Variants in TTC7B observed in about 807,000 individuals in gnomAD.
TTC7B encodes the protein tetratricopeptide repeat protein 7B.
In TTC7B, 28 loss-of-function variants were observed where a neutral mutation model predicts 106.8. That is an observed-to-expected ratio of 0.26 (90% CI 0.19 to 0.36). TTC7B has a LOEUF of 0.36. Ranked by LOEUF, TTC7B falls within the 10% of genes least tolerant of loss-of-function variation. The pLI, the probability that TTC7B is intolerant of heterozygous loss-of-function variation, is 1.00. For missense variants in TTC7B, 862 were observed against 1,076.4 expected (o/e 0.80, Z 2.79); for synonymous variants, 405 against 430.6 (o/e 0.94, Z 0.74).
At chr14:90,629,739 G>A (rs1043583005) in intron 15 of TTC7B, among the ~76,000 whole-genome samples, 5 of 152,324 alleles carry the variant, frequency 3.3e-5, no homozygotes, top group South Asian at 2.1e-4. Flanking sequence ...GCCATGACTC[G>A]CGGGGAGTGG....
At chr14:90,785,349 G>A (rs758454085) in intron 2 of TTC7B, among the ~76,000 whole-genome samples, 45 of 152,116 alleles carry the variant, frequency 3.0e-4, no homozygotes, top group Admixed American at 5.9e-4. Context: ...AAGTTAAAAG[G>A]AAACGGAAGT....
intron 3 of TTC7B, among the ~76,000 whole-genome samples, chr14:90,768,884 A>G (rs1249499489): frequency 2.0e-5 from 3 of 152,240 alleles, no homozygotes; most frequent in African/African-American, 7.2e-5. Flanking sequence ...TATTTTTAAA[A>G]TTATTACTCA....
At chr14:90,798,411 A>G (rs2030012438) in intron 1 of TTC7B, among the ~76,000 whole-genome samples, 1 of 152,216 alleles carries the variant, frequency 6.6e-6, no homozygotes, top group African/African-American at 2.4e-5. Context: ...AGCAAGACAC[A>G]AAAGAGGGTA....
chr14:90,681,337 C>T lies in TTC7B; in HGVS notation c.951-802G>A, dbSNP rs74081289. On this transcript the variant is annotated intron_variant, in intron 7 of 19. Coordinates refer to ENST00000328459, the MANE Select transcript of TTC7B (RefSeq NM_001010854.2). ...ACTCAATATTTTTTCATGAAATGGA[C>T]GAAGAGAGTGCAATAAATAAAAATG... Among the ~76,000 whole-genome samples the T allele has an allele frequency of 4.8e-3, 735 of 151,650 alleles. 10 individuals carry two copies. The highest frequency in any genetic ancestry group is 0.017 in the African/African-American group (689 of 41,288).
rs867912906 is a variant in TTC7B, at chr14:90,702,868, A to C, written c.699-7290T>G. On this transcript the variant is annotated intron_variant, in intron 5 of 19. Transcript: ENST00000328459. ...TGACGGGGGCAGGGGAACAGTCTCC[A>C]GCCACGGCTTTGGGGTGGGGCACGG... Among the ~76,000 whole-genome samples the C allele has an allele frequency of 9.2e-5, 14 of 152,326 alleles. No homozygotes were observed. The South Asian group carries it at 1.7e-3, about 18-fold the overall frequency.
chr14:90,758,522 C>G (rs1460404058), intron 3 of TTC7B, among the ~76,000 whole-genome samples: 2 of 152,116 alleles, frequency 1.3e-5, no homozygotes, highest in Non-Finnish European at 1.5e-5. Context: ...ACGCCCGGAG[C>G]AGCTCCGCGC....
At chr14:90,595,909 G>A (rs930510591) in intron 17 of TTC7B, among the ~76,000 whole-genome samples, 14 of 152,058 alleles carry the variant, frequency 9.2e-5, no homozygotes, top group Non-Finnish European at 1.6e-4. Flanking sequence ...GCCTGTACAC[G>A]GGCCAGGCAG....
At chr14:90,565,344 T>C (rs1890746613) in intron 19 of TTC7B, among the ~76,000 whole-genome samples, 1 of 152,096 alleles carries the variant, frequency 6.6e-6, no homozygotes, top group Non-Finnish European at 1.5e-5. Context: ...AGGCCTCACT[T>C]CTGGCCTGTC....
chr14:90,613,982 G>A (rs1892970628), intron 16 of TTC7B, among the ~76,000 whole-genome samples: 2 of 152,238 alleles, frequency 1.3e-5, no homozygotes, highest in Admixed American at 1.3e-4. Context: ...AAACACGAGA[G>A]GCTTGGTGGT....
rs575976800 is a variant in TTC7B, at chr14:90,689,676, C to T, written c.814G>A (p.Gly272Ser). 6.2e-7 allele frequency: 1 copy of T among 1,614,118 alleles called. No homozygotes were observed. Among genetic ancestry groups the T allele is most frequent in the East Asian group, 2.2e-5 (1 of 44,880 alleles). The change falls in exon 7 of 20, where the codon GGT becomes AGT. Residue 272 changes from glycine to serine, a missense_variant. Gly to Ser is a moderately conservative substitution (Grantham distance 56). Coordinates refer to ENST00000328459, the MANE Select transcript of TTC7B (RefSeq NM_001010854.2). ...TTCCAGTAGCTCTGCTCACACATACCCCGCAACAAGATCTCTGCCAGCTGC... is the reference window on the plus strand; with the variant it reads ...TTCCAGTAGCTCTGCTCACACATACTCCGCAACAAGATCTCTGCCAGCTGC... ...ARQLAEILLR[G>S]MCEQSYWNPL...
In TTC7B at chr14:90,663,431, T is replaced by C. The variant is rs775858512; in HGVS notation, c.1153-5044A>G. ...AAGGCCACATGCTTCTTGAACTGTT[T>C]CAGAGACTCAGCGATATGGTTTTTT... is the stretch of plus-strand genomic sequence containing the variant. On this transcript the variant is annotated intron_variant, in intron 9 of 19. Transcript: ENST00000328459. This position sits in a 1 kb window ranked among gnomAD's most constrained non-coding sequence, Gnocchi z 4.5. 2.7e-5 allele frequency among the ~76,000 whole-genome samples: 4 copies of C among 150,358 alleles called. No homozygotes were observed. Among genetic ancestry groups the C allele is most frequent in the Non-Finnish European group, 4.4e-5 (3 of 67,742 alleles).
chr14:90,704,373 A>G (rs184343514), intron 5 of TTC7B, among the ~76,000 whole-genome samples: 86 of 152,358 alleles, frequency 5.6e-4, no homozygotes, highest in African/African-American at 2.0e-3. Flanking sequence ...AGCTTTATAC[A>G]TGAGGAAACA....
chr14:90,797,881 T>C (rs2029978575), intron 1 of TTC7B, among the ~76,000 whole-genome samples: 1 of 152,158 alleles, frequency 6.6e-6, no homozygotes, highest in Non-Finnish European at 1.5e-5. Context: ...AGCAGGACCG[T>C]GCACCCATAA....
chr14:90,736,760 G>A (rs1889546582), intron 4 of TTC7B, among the ~76,000 whole-genome samples: 1 of 151,858 alleles, frequency 6.6e-6, no homozygotes, highest in African/African-American at 2.4e-5. Flanking sequence ...GCATGCGGCT[G>A]TAGTCCCAGC....
intron 19 of TTC7B, among the ~76,000 whole-genome samples, chr14:90,553,976 G>T (rs79658728): frequency 1.7e-3 from 255 of 152,324 alleles, no homozygotes; most frequent in African/African-American, 5.9e-3. Context: ...GCAGAGTAAT[G>T]GGCTGTCAGG....
rs1471730501 is a variant in TTC7B at position 90,537,629 on chromosome 14, G to A, written c.*3739C>T. The A allele has an allele frequency of 6.6e-6, 1 of 152,238 alleles. No homozygotes were observed. Among genetic ancestry groups the A allele is most frequent in the African/African-American group, 2.4e-5 (1 of 41,364 alleles). The allele number at this position is 152,238 out of a possible 1,614,324, so 9.4% of individuals were successfully genotyped here. On this transcript the variant is annotated 3_prime_UTR_variant, in exon 20 of 20. Transcript: ENST00000328459. ...CACCTGACCATCCCCCTCCCCTCTG[G>A]GCCTTTGCACCTGCTGTTCCTGCTT...
chr14:90,658,639 C>G (rs1017125250), intron 9 of TTC7B, among the ~76,000 whole-genome samples: 3 of 152,214 alleles, frequency 2.0e-5, no homozygotes, highest in East Asian at 3.9e-4. Flanking sequence ...AGCTTTGTAT[C>G]TGGCACAGGA....
chr14:90,620,111 G>A (rs941074106), intron 15 of TTC7B, among the ~76,000 whole-genome samples: 6 of 152,060 alleles, frequency 3.9e-5, no homozygotes, highest in Admixed American at 1.3e-4. Context: ...AGGGCGGTGC[G>A]GTGCTCCCAG....
rs191610146 is a variant in TTC7B at position 90,565,240 on chromosome 14, G to A, written c.2310+12866C>T. ...TCCCTATCAGCAATAAGGCTGTTTCGCTTTCTTATCATTGGAGTATTCACT... is the reference window on the plus strand; with the variant it reads ...TCCCTATCAGCAATAAGGCTGTTTCACTTTCTTATCATTGGAGTATTCACT... On this transcript the variant is annotated intron_variant, in intron 19 of 19. Transcript: ENST00000328459. Among the ~76,000 whole-genome samples, 322 of 152,180 alleles carry A rather than the reference G, an allele frequency of 2.1e-3. 2 individuals carry two copies. Among genetic ancestry groups the A allele is most frequent in the Middle Eastern group, 3.4e-3 (1 of 294 alleles).
Sources: allele counts gnomAD v4.1 joint callset (sites outside exome capture counted in the v4.1 genomes callset), GRCh38; gene constraint gnomAD v4.1.1; non-coding constraint Gnocchi (gnomAD v3.1); transcripts MANE v1.5; gene names NCBI Gene and HGNC (gene_info 2026-07-23, HGNC 2026-07-21).